The following ATP2C2 variants were observed in gnomAD, a reference collection of about 807,000 sequenced individuals.
The protein encoded by ATP2C2 is ATPase secretory pathway Ca2+ transporting 2, also known as calcium-transporting ATPase type 2C member 2.
In ATP2C2, 171 loss-of-function variants were observed where a neutral mutation model predicts 110.8. The observed-to-expected ratio is 1.54, with a 90% CI of 1.36 to 1.75. The LOEUF (loss-of-function observed/expected upper bound fraction) is 1.75. Ranked by LOEUF, ATP2C2 falls within the 40% of genes most tolerant of loss-of-function variation. The pLI is 0.00. For synonymous variants in ATP2C2, 804 were observed against 508.4 expected (o/e 1.58, Z -7.82); for missense variants, 1,963 against 1,235.0 (o/e 1.59, Z -8.84).
intron 1 of ATP2C2, among the ~76,000 whole-genome samples, chr16:84,389,625 C>T (rs1904528232): frequency 6.6e-6 from 1 of 152,106 alleles, no homozygotes; most frequent in Non-Finnish European, 1.5e-5. Flanking sequence ...ACGAGGACTC[C>T]TGCTGTCCCC....
At position 84,459,173 on chromosome 16, in the gene ATP2C2, G is replaced by C. The variant is rs201731640; in HGVS notation, c.2201G>C (p.Arg734Pro). Residue 734 changes from arginine to proline, a missense_variant, in exon 22 of 27, where the codon CGA becomes CCA. Arg to Pro is a moderately radical substitution (Grantham distance 103, BLOSUM62 -2). Coordinates refer to ENST00000262429, the MANE Select transcript of ATP2C2 (RefSeq NM_014861.4). ...GIFYNIKNFV[R>P]FQLSTSISAL... ...TTTTACAACATCAAAAACTTTGTCC[G>C]ATTCCAGCTGAGCACGTAAGTAGAG... The C allele has an allele frequency of 2.5e-6, 4 of 1,614,054 alleles. No homozygotes were observed. The highest frequency in any genetic ancestry group is 1.3e-5 in the African/African-American group (1 of 74,928).
Position 84,439,488 on chromosome 16 carries a change from G to T in ATP2C2, c.1173G>T (p.Val391=), listed in dbSNP as rs1909048345. Reference sequence around the variant, plus strand: ...CTCTGACTGCCAATGAAATGACAGTGACCCAGCTTGTAACGTCAGATGGGC... The same window carrying T: ...CTCTGACTGCCAATGAAATGACAGTTACCCAGCTTGTAACGTCAGATGGGC... ...TGTLTANEMT[V]TQLVTSDGLR... Residue 391 remains valine (V), a synonymous_variant, in exon 13 of 27, where the codon GTG becomes GTT. Transcript: ENST00000262429. The T allele has an allele frequency of 6.2e-7, 1 of 1,614,036 alleles. No individual in the cohort carries two copies. The highest frequency in any genetic ancestry group is 1.3e-5 in the African/African-American group (1 of 74,910).
chr16:84,391,651 C>A (rs571234811), intron 1 of ATP2C2, among the ~76,000 whole-genome samples: 1 of 152,294 alleles, frequency 6.6e-6, no homozygotes, highest in Non-Finnish European at 1.5e-5. Context: ...CCGCCAGAAA[C>A]TGGGAGAGGA....
At position 84,462,570 on chromosome 16, in the gene ATP2C2, G is replaced by C. The variant is rs372707703; in HGVS notation, c.2722+441G>C. On this transcript the variant is annotated intron_variant, in intron 26 of 26. Coordinates refer to ENST00000262429, the MANE Select transcript of ATP2C2 (RefSeq NM_014861.4). ...GGCTGTCTTCCAGTTTTGGCTGAAA[G>C]GGACATGATTCAGTCACCGTGGTTT... 1.9e-4 allele frequency: 30 copies of C among 159,554 alleles called. 1 individual carries two copies. The East Asian group carries it at 3.3e-3, about 18-fold the overall frequency. The allele number at this position is 159,554 out of a possible 1,614,324, so 9.9% of individuals were successfully genotyped here. A position where few individuals can be genotyped will look rare whatever the true frequency, so the allele number is the denominator to read the frequency against.
intron 6 of ATP2C2, among the ~76,000 whole-genome samples, chr16:84,414,658 A>G (rs1229200672): frequency 6.6e-6 from 1 of 152,144 alleles, no homozygotes; most frequent in African/African-American, 2.4e-5. Context: ...TGGATACCTC[A>G]ACAAGATCAA....
chr16:84,414,009 A>G (rs140390963), intron 6 of ATP2C2, among the ~76,000 whole-genome samples: 1 of 152,304 alleles, frequency 6.6e-6, no homozygotes, highest in Non-Finnish European at 1.5e-5. Flanking sequence ...GCCAAAAAAT[A>G]CTGGAGGCCA....
At chr16:84,371,893 T>A (rs1342314273) in intron 1 of ATP2C2, among the ~76,000 whole-genome samples, 1 of 152,150 alleles carries the variant, frequency 6.6e-6, no homozygotes, top group Non-Finnish European at 1.5e-5. Context: ...GATGCACAGT[T>A]CTCTACCCTC....
At chr16:84,444,412 A>C (rs1410403912) in intron 15 of ATP2C2, among the ~76,000 whole-genome samples, 1 of 151,354 alleles carries the variant, frequency 6.6e-6, no homozygotes, top group African/African-American at 2.4e-5. Flanking sequence ...GGCGGAGGTT[A>C]CAGTGAGCCG....
chr16:84,423,368 TA>T, intron 10 of ATP2C2, 105 bp downstream of exon 10: 1 of 1,095,704 alleles, frequency 9.1e-7, no homozygotes, highest in Non-Finnish European at 1.4e-6. Context: ...CTCAGCTGCA[TA>T]AGGCTTGGGG....
chr16:84,452,374 A>G (rs1040602441), intron 18 of ATP2C2, among the ~76,000 whole-genome samples: 20 of 152,064 alleles, frequency 1.3e-4, no homozygotes, highest in African/African-American at 4.8e-4. Context: ...AGGCAGCATC[A>G]TGGCCATGTA....
At chr16:84,383,735 C>CTGTGTGTGTGTGTGTGTGTGTGTG (rs143797673) in intron 1 of ATP2C2, among the ~76,000 whole-genome samples, 3,297 of 137,432 alleles carry the variant, frequency 0.024, 112 homozygotes, top group South Asian at 0.044. Flanking sequence ...CTGAATACAT[C>CTGTGTGTGTGTGTGTGTGTGTGTG]TGTGTGTGTG....
At chr16:84,409,155 T>A (rs1293689728) in intron 4 of ATP2C2, among the ~76,000 whole-genome samples, 1 of 152,144 alleles carries the variant, frequency 6.6e-6, no homozygotes, top group Non-Finnish European at 1.5e-5. Context: ...TGCAGGGACA[T>A]GGATGAAGCT....
intron 11 of ATP2C2, among the ~76,000 whole-genome samples, chr16:84,427,329 C>G (rs1215887496): frequency 1.3e-5 from 2 of 152,162 alleles, no homozygotes; most frequent in African/African-American, 4.8e-5. Context: ...AGTACTGATT[C>G]ATACTGCAAC....
intron 16 of ATP2C2, 27 bp downstream of exon 16, chr16:84,446,457 T>C: frequency 6.6e-7 from 1 of 1,511,818 alleles, no homozygotes; most frequent in South Asian, 1.2e-5. Flanking sequence ...TTCAACCTCT[T>C]CTCTCTTTCT....
At chr16:84,459,832 G>A (rs1394678799) in intron 23 of ATP2C2, 4 of 440,976 alleles carry the variant, frequency 9.1e-6, no homozygotes, top group South Asian at 2.5e-5. Context: ...TCAGTTTCAT[G>A]GAGGCGGAGT....
intron 1 of ATP2C2, among the ~76,000 whole-genome samples, chr16:84,391,560 T>A (rs1363720924): frequency 6.6e-6 from 1 of 152,096 alleles, no homozygotes; most frequent in Non-Finnish European, 1.5e-5. Flanking sequence ...CAGAGACGCT[T>A]GGGAATATAG....
Position 84,454,849 on chromosome 16 carries a change from T to G in ATP2C2, c.2012T>G (p.Met671Arg). Reference protein sequence around the residue: ...ALQESGAIVAMTGDGVNDAVA... With the variant: ...ALQESGAIVARTGDGVNDAVA... ...CAGGAGTCAGGGGCGATCGTGGCCA[T>G]GACTGGGGATGGGGTGAACGACGCA... Residue 671 changes from methionine to arginine, a missense_variant, in exon 21 of 27, where the codon ATG (methionine) becomes AGG (arginine). By Grantham distance (91) the Met-to-Arg change is moderately conservative. Coordinates refer to ENST00000262429, the MANE Select transcript of ATP2C2 (RefSeq NM_014861.4). 1 of 1,612,586 alleles carries G rather than the reference T, an allele frequency of 6.2e-7. No individual in the cohort carries two copies. Among genetic ancestry groups the G allele is most frequent in the Admixed American group, 1.7e-5 (1 of 59,666 alleles).
chr16:84,405,323 T>C (rs1163115060), intron 3 of ATP2C2, 79 bp downstream of exon 3: 1 of 1,226,176 alleles, frequency 8.2e-7, no homozygotes, highest in African/African-American at 1.5e-5. Flanking sequence ...CTTTCAATGT[T>C]GATGGAAGGC....
At chr16:84,385,973 T>C (rs1904313464) in intron 1 of ATP2C2, among the ~76,000 whole-genome samples, 1 of 152,264 alleles carries the variant, frequency 6.6e-6, no homozygotes, top group South Asian at 2.1e-4. Flanking sequence ...TCAATATTTA[T>C]TTTGATGCTT....
Sources: allele counts gnomAD v4.1 joint callset (sites outside exome capture counted in the v4.1 genomes callset), GRCh38; gene constraint gnomAD v4.1.1; transcripts MANE v1.5; gene names NCBI Gene and HGNC (gene_info 2026-07-23, HGNC 2026-07-21).